ATG4C: variants seen among roughly 807,000 people sequenced by gnomAD.
The protein encoded by ATG4C is autophagy related 4C cysteine peptidase.
Under a neutral mutation model 57.6 loss-of-function variants are expected in ATG4C, and 56 were observed. The ratio of observed to expected loss-of-function variants is 0.97; its 90% CI spans 0.78 to 1.21. ATG4C has a LOEUF of 1.21. Ranked by LOEUF, ATG4C falls within the 50% of genes most tolerant of loss-of-function variation. ATG4C has a pLI of 0.00. For missense variants in ATG4C, 595 were observed against 529.8 expected (o/e 1.12, Z -1.21); for synonymous variants, 157 against 174.1 (o/e 0.90, Z 0.78).
At chr1:62,802,824 A>C (rs1254933197) in intron 1 of ATG4C, among the ~76,000 whole-genome samples, 2 of 152,208 alleles carry the variant, frequency 1.3e-5, no homozygotes, top group African/African-American at 2.4e-5. Context: ...CCAATAGACC[A>C]TGCTTTCTCC....
rs540834959 is a variant in ATG4C at position 62,816,771 on chromosome 1, C to T, written c.357C>T (p.Leu119=). ...WGCTLRTGQM[L]LAQGLILHFL... is the part of the protein sequence containing the mutation. Reference sequence around the variant, plus strand: ...GCACATTGAGAACTGGCCAGATGCTCTTGGCTCAAGGACTCATACTACACT... The same window carrying T: ...GCACATTGAGAACTGGCCAGATGCTTTTGGCTCAAGGACTCATACTACACT... Residue 119 remains leucine, a synonymous_variant, in exon 4 of 11, where the codon CTC becomes CTT. Transcript: ENST00000317868. 50 of 1,608,918 alleles carry T rather than the reference C, an allele frequency of 3.1e-5. No homozygotes were observed. In the South Asian group the frequency reaches 4.8e-4, roughly 15 times the overall value.
chr1:62,805,723 T>C lies in ATG4C; in HGVS notation c.160+468T>C, dbSNP rs980219760. On this transcript the variant is annotated intron_variant, in intron 3 of 10. Coordinates refer to ENST00000317868, the MANE Select transcript of ATG4C (RefSeq NM_032852.4). ...GTCACTCATTGGGTGCCGGGCACCATGCTGGGCTCTTTAGGAAATATCTTT... is the reference window on the plus strand; with the variant it reads ...GTCACTCATTGGGTGCCGGGCACCACGCTGGGCTCTTTAGGAAATATCTTT... Among the ~76,000 whole-genome samples the C allele has an allele frequency of 1.2e-4, 19 of 152,330 alleles. No homozygotes were observed. In the Middle Eastern group the frequency reaches 0.01, roughly 82 times the overall value.
chr1:62,819,091 T>A lies in ATG4C; in HGVS notation c.481T>A (p.Phe161Ile). Residue 161 changes from phenylalanine to isoleucine, a missense_variant, in exon 5 of 11, where the codon TTT becomes ATT. Coordinates refer to ENST00000317868, the MANE Select transcript of ATG4C (RefSeq NM_032852.4). ...CACTGTCAAAAAATTTACTGCATCA[T>A]TTGAAGCATCACTTTCAGGGGAAAG... The part of the protein sequence containing the change: ...SHTVKKFTAS[F>I]EASLSGEREF... 1.2e-6 allele frequency: 2 copies of A among 1,611,872 alleles called. 1 individual carries two copies. The highest frequency in any genetic ancestry group is 2.2e-5 in the South Asian group (2 of 90,654).
chr1:62,817,132 T>G (rs979589518), intron 4 of ATG4C, among the ~76,000 whole-genome samples: 8 of 152,166 alleles, frequency 5.3e-5, no homozygotes, highest in Non-Finnish European at 8.8e-5. Context: ...TCTTTCCTTT[T>G]GGTTGAACTC....
At position 62,834,757 on chromosome 1, in the gene ATG4C, T is replaced by C; in HGVS notation, c.1013-19T>C. On this transcript the variant is annotated intron_variant, in intron 8 of 10. Transcript: ENST00000317868. ...TAAGGTGTTTTTTGAATTACTTGTCTTCTGTTTTGTCCTTGTAGATGACAG... is the reference window on the plus strand; with the variant it reads ...TAAGGTGTTTTTTGAATTACTTGTCCTCTGTTTTGTCCTTGTAGATGACAG... 2.5e-6 allele frequency: 4 copies of C among 1,598,450 alleles called. No homozygotes were observed. Among genetic ancestry groups the C allele is most frequent in the Non-Finnish European group, 3.4e-6 (4 of 1,167,240 alleles).
intron 1 of ATG4C, among the ~76,000 whole-genome samples, chr1:62,800,290 A>AT (rs1174574578): frequency 1.3e-5 from 2 of 152,152 alleles, no homozygotes; most frequent in South Asian, 2.1e-4. Flanking sequence ...TTTAAAAATA[A>AT]TTTTTTTAAA....
intron 3 of ATG4C, among the ~76,000 whole-genome samples, chr1:62,809,323 A>G (rs960286945): frequency 6.6e-6 from 1 of 150,778 alleles, no homozygotes; most frequent in Non-Finnish European, 1.5e-5. Context: ...AAATATCCAC[A>G]TGATATTTAT....
chr1:62,860,392 T>C (rs1666815933), intron 10 of ATG4C, among the ~76,000 whole-genome samples: 1 of 152,236 alleles, frequency 6.6e-6, no homozygotes, highest in Non-Finnish European at 1.5e-5. Context: ...GTACTGTACA[T>C]AATTTTATCT....
intron 9 of ATG4C, among the ~76,000 whole-genome samples, chr1:62,839,358 C>G (rs568479670): frequency 6.6e-6 from 1 of 152,158 alleles, no homozygotes; most frequent in Non-Finnish European, 1.5e-5. Context: ...CAAGTTCTTA[C>G]ATGAAAACTT....
At chr1:62,849,558 C>T (rs1167244650) in intron 10 of ATG4C, among the ~76,000 whole-genome samples, 2 of 151,816 alleles carry the variant, frequency 1.3e-5, no homozygotes, top group African/African-American at 4.8e-5. Context: ...ATCCCCAAGG[C>T]TGGAGTGCAG....
intron 10 of ATG4C, among the ~76,000 whole-genome samples, chr1:62,860,797 T>A (rs1049721868): frequency 6.6e-6 from 1 of 152,200 alleles, no homozygotes; most frequent in Admixed American, 6.5e-5. Flanking sequence ...TACATAGATA[T>A]ACACTGCCCT....
intron 9 of ATG4C, among the ~76,000 whole-genome samples, chr1:62,836,594 T>C (rs1666006711): frequency 6.6e-6 from 1 of 152,116 alleles, no homozygotes; most frequent in African/African-American, 2.4e-5. Context: ...CAATTGAAGG[T>C]GTTTTAACTA....
At chr1:62,818,646 G>A (rs1292955883) in intron 4 of ATG4C, among the ~76,000 whole-genome samples, 1 of 151,954 alleles carries the variant, frequency 6.6e-6, no homozygotes, top group Non-Finnish European at 1.5e-5. Flanking sequence ...TTGTTGTCTT[G>A]TACCTTTGTT....
At chr1:62,860,643 A>G (rs1004256860) in intron 10 of ATG4C, among the ~76,000 whole-genome samples, 1 of 152,252 alleles carries the variant, frequency 6.6e-6, no homozygotes, top group Non-Finnish European at 1.5e-5. Context: ...ACAGTGTTAC[A>G]TCCACAAGAT....
chr1:62,815,252 T>C (rs1665229592), intron 3 of ATG4C, among the ~76,000 whole-genome samples: 1 of 152,092 alleles, frequency 6.6e-6, no homozygotes, highest in African/African-American at 2.4e-5. Flanking sequence ...TTCTCTTTTA[T>C]CTCTTTTGTT....
chr1:62,787,685 G>GTA (rs893249654), intron 1 of ATG4C, among the ~76,000 whole-genome samples: 7 of 151,818 alleles, frequency 4.6e-5, no homozygotes, highest in Non-Finnish European at 8.8e-5. Flanking sequence ...TATACTAGCA[G>GTA]TATGACCTTG....
At chr1:62,808,846 A>C (rs1238114196) in intron 3 of ATG4C, among the ~76,000 whole-genome samples, 1 of 152,186 alleles carries the variant, frequency 6.6e-6, no homozygotes, top group African/African-American at 2.4e-5. Context: ...GATATGTGCT[A>C]TTTGCTGTGG....
At chr1:62,834,403 C>CT (rs1402444449) in intron 8 of ATG4C, among the ~76,000 whole-genome samples, 3 of 152,074 alleles carry the variant, frequency 2.0e-5, no homozygotes, top group African/African-American at 7.2e-5. Flanking sequence ...TACATATTTA[C>CT]TTTTTACCAG....
chr1:62,822,379 T>C (rs1665510340), intron 6 of ATG4C, among the ~76,000 whole-genome samples: 1 of 152,210 alleles, frequency 6.6e-6, no homozygotes, highest in South Asian at 2.1e-4. Context: ...GCAGGTACTA[T>C]GTTTTTCAAG....
Sources: gnomAD v4.1 joint callset for allele counts (sites outside exome capture counted in the v4.1 genomes callset) on GRCh38, gnomAD v4.1.1 for gene constraint, MANE v1.5 for transcripts, NCBI Gene and HGNC (gene_info 2026-07-23, HGNC 2026-07-21) for gene names.